The following PALM2AKAP2 variants were observed in gnomAD, a reference collection of about 807,000 sequenced individuals.
PALM2AKAP2 encodes the protein PALM2-AKAP2 fusion protein.
PALM2AKAP2 carries 37 observed loss-of-function variants against 71.5 expected under a neutral mutation model. The ratio of observed to expected loss-of-function variants is 0.52; its 90% confidence interval spans 0.40 to 0.68. The LOEUF is 0.68. PALM2AKAP2 is among the 30% of genes least tolerant of loss of function. The probability of loss-of-function intolerance (pLI) is 0.00; values close to 1 mark genes in which losing one functional copy is unlikely to be tolerated. For synonymous variants in PALM2AKAP2, 468 were observed against 478.8 expected (o/e 0.98, Z 0.29); for missense variants, 1,224 against 1,191.8 (o/e 1.03, Z -0.40).
chr9:109,783,859 C>T (rs190061486), intron 1 of PALM2AKAP2, among the ~76,000 whole-genome samples: 11 of 152,350 alleles, frequency 7.2e-5, no homozygotes, highest in Admixed American at 7.2e-4. Context: ...GGACAGATGT[C>T]CTGATACCTA....
At chr9:110,030,159 CCTT>C (rs1833254735) in intron 7 of PALM2AKAP2, among the ~76,000 whole-genome samples, 1 of 152,092 alleles carries the variant, frequency 6.6e-6, no homozygotes, top group South Asian at 2.1e-4. Context: ...GGTTATATAC[CCTT>C]CTTCTTAGAG....
At chr9:109,870,466 A>G (rs779228590) in intron 2 of PALM2AKAP2, among the ~76,000 whole-genome samples, 6 of 152,192 alleles carry the variant, frequency 3.9e-5, no homozygotes, top group Non-Finnish European at 7.3e-5. Flanking sequence ...GTAGCCTGTT[A>G]GCCACCGTCA....
At chr9:110,128,174 A>C (rs1370904494) in intron 1 of PALM2AKAP2, among the ~76,000 whole-genome samples, 1 of 152,206 alleles carries the variant, frequency 6.6e-6, no homozygotes, top group Non-Finnish European at 1.5e-5. Flanking sequence ...TCTGGGCATC[A>C]TCCACCAGCC....
At chr9:109,670,802 A>T (rs978195030) in intron 1 of PALM2AKAP2, among the ~76,000 whole-genome samples, 3 of 152,084 alleles carry the variant, frequency 2.0e-5, no homozygotes, top group South Asian at 4.1e-4. Flanking sequence ...ACTATTTAAT[A>T]ATAGCCATTC....
chr9:109,998,732 C>T (rs1588051070), intron 6 of PALM2AKAP2, among the ~76,000 whole-genome samples: 1 of 145,796 alleles, frequency 6.9e-6, no homozygotes, highest in African/African-American at 2.6e-5. Context: ...GCACCGCTGC[C>T]GTCCAGCCTG....
chr9:109,833,713 A>G (rs566812661), intron 1 of PALM2AKAP2, among the ~76,000 whole-genome samples: 7 of 152,356 alleles, frequency 4.6e-5, no homozygotes, highest in Non-Finnish European at 8.8e-5. Context: ...TGCCCTCCCA[A>G]TGCTGAGTAC....
In PALM2AKAP2 at chr9:109,999,467, A is replaced by C. The variant is rs535207426; in HGVS notation, c.497-16487A>C. ...CCACCCATGTGGTTCCTGCCTCTCC[A>C]GTTTAGGGGGATGGACTGAGGCCTG... On this transcript the variant is annotated intron_variant, in intron 6 of 9. Transcript: ENST00000302798. Among the ~76,000 whole-genome samples the C allele has an allele frequency of 5.9e-5, 9 of 151,964 alleles. No individual in the cohort carries two copies. In the South Asian group the frequency reaches 1.3e-3, roughly 21 times the overall value.
chr9:109,967,510 A>G (rs918781439), intron 6 of PALM2AKAP2, among the ~76,000 whole-genome samples: 2 of 151,946 alleles, frequency 1.3e-5, no homozygotes, highest in Admixed American at 1.3e-4. Flanking sequence ...GCTGGGTTCA[A>G]GTGATTCTTG....
intron 1 of PALM2AKAP2, among the ~76,000 whole-genome samples, chr9:109,663,579 CA>C (rs755411457): frequency 2.0e-5 from 3 of 152,198 alleles, no homozygotes; most frequent in Non-Finnish European, 2.9e-5. Context: ...TGTTCTTTTA[CA>C]TTTGCTGAGG....
intron 1 of PALM2AKAP2, among the ~76,000 whole-genome samples, chr9:109,681,128 T>G (rs997711645): frequency 6.6e-6 from 1 of 152,236 alleles, no homozygotes; most frequent in Non-Finnish European, 1.5e-5. Flanking sequence ...TCAATAAATA[T>G]CTTTTGAAGA....
Position 110,138,229 on chromosome 9 carries a change from G to C in PALM2AKAP2, c.2259G>C (p.Gln753His). Residue 753 changes from glutamine (Q) to histidine (H), a missense_variant, in exon 2 of 4, where the codon CAG (glutamine) becomes CAC (histidine). By Grantham distance (24) the Gln-to-His change is conservative. Transcript: ENST00000374525. Reference sequence around the variant, plus strand: ...CCCCCCAGCCACTGCCAGCTGTGCAGCCCAGTGGCCCGATTAACATGGAGG... The same window carrying C: ...CCCCCCAGCCACTGCCAGCTGTGCACCCCAGTGGCCCGATTAACATGGAGG... 3 of 1,614,110 alleles carry C rather than the reference G, an allele frequency of 1.9e-6. No homozygotes were observed. Among genetic ancestry groups the C allele is most frequent in the Non-Finnish European group, 2.5e-6 (3 of 1,179,978 alleles).
chr9:109,683,871 A>G (rs1827772198), intron 1 of PALM2AKAP2, among the ~76,000 whole-genome samples: 1 of 152,130 alleles, frequency 6.6e-6, no homozygotes, highest in South Asian at 2.1e-4. Context: ...AATGTATAAT[A>G]TACATTATAT....
intron 6 of PALM2AKAP2, among the ~76,000 whole-genome samples, chr9:109,953,054 A>T (rs1340048212): frequency 1.3e-5 from 2 of 152,212 alleles, no homozygotes; most frequent in Non-Finnish European, 2.9e-5. Context: ...ATAGAAAGGG[A>T]AGCTGCTTTG....
At chr9:110,148,822 A>G (rs940170390) in intron 2 of PALM2AKAP2, 8 of 152,202 alleles carry the variant, frequency 5.3e-5, no homozygotes, top group Non-Finnish European at 8.8e-5. Context: ...GACTTCATGC[A>G]TAGAGAGAGT....
chr9:110,086,904 A>G (rs1395313331), intron 1 of PALM2AKAP2, among the ~76,000 whole-genome samples: 11 of 152,158 alleles, frequency 7.2e-5, no homozygotes, highest in Non-Finnish European at 2.9e-5. Flanking sequence ...TTGGCATTCA[A>G]AGCCTAGGTG....
upstream of PALM2AKAP2, among the ~76,000 whole-genome samples, chr9:109,778,785 T>TTG (rs1260956890): frequency 1.4e-5 from 2 of 144,390 alleles, no homozygotes; most frequent in South Asian, 4.7e-4. Context: ...TTTTTTTTTT[T>TTG]GAGACAGAGT....
chr9:109,851,675 A>G (rs1386338700), intron 1 of PALM2AKAP2, among the ~76,000 whole-genome samples: 1 of 152,226 alleles, frequency 6.6e-6, no homozygotes, highest in East Asian at 1.9e-4. Flanking sequence ...GAACTTCACC[A>G]TCATGATCAC....
In PALM2AKAP2 at chr9:110,029,810, T is replaced by C. The variant is rs191071216; in HGVS notation, c.582+13771T>C. ...CCCATTTAGGCAGGGAACCAGTTTG[T>C]CTCTCCAGTTAATGTCTGAATAAAT... On this transcript the variant is annotated intron_variant, in intron 7 of 9. Transcript: ENST00000302798. 2.0e-3 allele frequency among the ~76,000 whole-genome samples: 310 copies of C among 152,278 alleles called. 4 individuals carry two copies. Among genetic ancestry groups the C allele is most frequent in the Non-Finnish European group, 3.2e-3 (218 of 68,004 alleles).
At chr9:110,057,388 T>G (rs1833869105) in intron 1 of PALM2AKAP2, among the ~76,000 whole-genome samples, 1 of 126,652 alleles carries the variant, frequency 7.9e-6, no homozygotes, top group Admixed American at 8.2e-5. Flanking sequence ...TTTGTTTTTT[T>G]GTTTTTTTTT....
Sources: gnomAD v4.1 joint callset for allele counts (sites outside exome capture counted in the v4.1 genomes callset) on GRCh38, gnomAD v4.1.1 for gene constraint, MANE v1.5 for transcripts, NCBI Gene and HGNC (gene_info 2026-07-23, HGNC 2026-07-21) for gene names.